Variants in AMZ1 observed in about 807,000 individuals in gnomAD.
AMZ1 encodes the protein archaemetzincin-1.
Under a neutral mutation model 29.9 loss-of-function variants are expected in AMZ1, and 39 were observed. That is an observed-to-expected ratio of 1.30 (90% confidence interval 1.01 to 1.70). The LOEUF (loss-of-function observed/expected upper bound fraction) is 1.70, where lower values mean the gene tolerates loss of function less well. AMZ1 is among the 40% of genes most tolerant of loss of function. The pLI, the probability that AMZ1 is intolerant of heterozygous loss-of-function variation, is 0.00. For synonymous variants in AMZ1, 458 were observed against 304.0 expected, an observed-to-expected ratio of 1.51 and a Z score of -5.27; for missense variants, 1,041 against 680.6, an observed-to-expected ratio of 1.53 and a Z score of -5.89.
At position 2,696,504 on chromosome 7, in the gene AMZ1, G is replaced by A. The variant is rs183781896; in HGVS notation, c.-218-3730G>A. 6.5e-3 allele frequency among the ~76,000 whole-genome samples: 981 copies of A among 150,378 alleles called. 53 individuals are homozygous for A. The East Asian group carries it at 0.14, about 22-fold the overall frequency. Reference sequence around the variant, plus strand: ...GATCTCCTGACCTCGTGATCTGCCCGCCTGGGCCTCCCAAAGTGCTGTGAT... The same window carrying A: ...GATCTCCTGACCTCGTGATCTGCCCACCTGGGCCTCCCAAAGTGCTGTGAT... On this transcript the variant is annotated intron_variant, in intron 1 of 6. Coordinates refer to ENST00000683327, the MANE Select transcript of AMZ1 (RefSeq NM_001384743.1).
upstream of AMZ1, among the ~76,000 whole-genome samples, chr7:2,687,360 A>T (rs1188308103): frequency 6.7e-6 from 1 of 149,930 alleles, no homozygotes; most frequent in East Asian, 1.9e-4. Flanking sequence ...CTGGTGTGGG[A>T]CGATGGTGAC....
At chr7:2,751,922 C>T (rs1056778821) in intron 4 of AMZ1, among the ~76,000 whole-genome samples, 23 of 152,070 alleles carry the variant, frequency 1.5e-4, no homozygotes, top group South Asian at 4.1e-4. Flanking sequence ...CTATCAAACA[C>T]GTAAAGAAGA....
chr7:2,708,987 T>C, intron 4 of AMZ1, 88 bp from the exon 5 acceptor site: 8 of 1,448,708 alleles, frequency 5.5e-6, no homozygotes, highest in Non-Finnish European at 7.4e-6. Flanking sequence ...ATGGCCAGCT[T>C]GCATGAGAGC....
In AMZ1 at chr7:2,742,616, A is replaced by G. The variant is rs370590442; in HGVS notation, n.551-22096A>G. 7.9e-5 allele frequency among the ~76,000 whole-genome samples: 12 copies of G among 152,172 alleles called. No homozygotes were observed. The South Asian group carries it at 1.2e-3, about 16-fold the overall frequency. On this transcript the variant is annotated intron_variant and non_coding_transcript_variant, in intron 4 of 4. Coordinates refer to the AMZ1 transcript ENST00000489665. The stretch of plus-strand genomic sequence containing the variant: ...TCTCGCCGGCCCTTTGCGTTTCCAT[A>G]TTAGTTCTAAAGTCAGCTGTCAATG...
intron 1 of AMZ1, among the ~76,000 whole-genome samples, chr7:2,691,643 A>C (rs1787391251): frequency 7.3e-6 from 1 of 136,146 alleles, no homozygotes. Flanking sequence ...CGGGAGGCTC[A>C]GGCAGTGAAC....
In AMZ1 at chr7:2,712,296, C is replaced by A. The variant is rs182429111; in HGVS notation, c.949-34C>A. Reference sequence around the variant, plus strand: ...TTCCCTGGCTAGACAAGGGCTGGCACGGAGCAAACTCAGCCTGTGTTTCTC... The same window carrying A: ...TTCCCTGGCTAGACAAGGGCTGGCAAGGAGCAAACTCAGCCTGTGTTTCTC... On this transcript the variant is annotated intron_variant, in intron 6 of 6. Transcript: ENST00000683327. 6.2e-4 allele frequency: 939 copies of A among 1,520,558 alleles called. 10 individuals carry two copies. The Admixed American group carries it at 0.018, about 30-fold the overall frequency. The allele number at this position is 1,520,558 out of a possible 1,614,324, so 94.2% of individuals were successfully genotyped here. A position where few individuals can be genotyped will look rare whatever the true frequency, so the allele number is the denominator to read the frequency against.
chr7:2,720,872 T>G (rs1353296135), downstream of AMZ1, among the ~76,000 whole-genome samples: 15 of 151,866 alleles, frequency 9.9e-5, no homozygotes, highest in Non-Finnish European at 1.5e-5. Flanking sequence ...GAGACAGGGT[T>G]TCAGCCACGT....
intron 3 of AMZ1, among the ~76,000 whole-genome samples, chr7:2,703,404 G>A (rs1349577401): frequency 2.6e-5 from 4 of 152,172 alleles, no homozygotes; most frequent in African/African-American, 9.7e-5. Flanking sequence ...GCCTCCCAAA[G>A]TGCTGGGATG....
chr7:2,702,795 C>T lies in AMZ1; in HGVS notation c.378C>T (p.Gly126=), dbSNP rs1444325362. The change falls in exon 3 of 7, where the codon GGC becomes GGT. Residue 126 remains glycine (G), a synonymous_variant. Coordinates refer to ENST00000683327, the MANE Select transcript of AMZ1 (RefSeq NM_001384743.1). ...GCTGCACAGAGGCCTTCTTCCTGGGCCTGCGCGTCAAGTGCCTGCCGTCGG... is the reference window on the plus strand; with the variant it reads ...GCTGCACAGAGGCCTTCTTCCTGGGTCTGCGCGTCAAGTGCCTGCCGTCGG... ...LCSCTEAFFL[G]LRVKCLPSVA... The T allele has an allele frequency of 3.9e-6, 6 of 1,545,900 alleles. No homozygotes were observed. The highest frequency in any genetic ancestry group is 5.2e-6 in the Non-Finnish European group (6 of 1,148,648).
At chr7:2,682,481 G>A (rs978461406) in intron 1 of AMZ1, among the ~76,000 whole-genome samples, 7 of 152,076 alleles carry the variant, frequency 4.6e-5, no homozygotes, top group Admixed American at 6.5e-5. Context: ...CTGGGGAAAC[G>A]GAGGCACGGG....
At chr7:2,695,328 G>A (rs1018185404) in intron 1 of AMZ1, among the ~76,000 whole-genome samples, 3 of 152,098 alleles carry the variant, frequency 2.0e-5, no homozygotes, top group Non-Finnish European at 2.9e-5. Context: ...GTGGGCATGC[G>A]GGTCTGGGCA....
intron 4 of AMZ1, among the ~76,000 whole-genome samples, chr7:2,750,513 A>C (rs1343855598): frequency 6.6e-6 from 1 of 152,230 alleles, no homozygotes; most frequent in Non-Finnish European, 1.5e-5. Flanking sequence ...CCTATGGTCA[A>C]GTTTAATTGA....
intron 4 of AMZ1, among the ~76,000 whole-genome samples, chr7:2,735,319 G>A (rs1320304340): frequency 1.3e-5 from 2 of 152,220 alleles, no homozygotes; most frequent in East Asian, 3.9e-4. Context: ...CCCGTTTCTA[G>A]GCAGGTGGTG....
chr7:2,696,932 A>G (rs915438110), intron 1 of AMZ1, among the ~76,000 whole-genome samples: 1 of 152,126 alleles, frequency 6.6e-6, no homozygotes, highest in Non-Finnish European at 1.5e-5. Flanking sequence ...TGGGATTGTA[A>G]ACTGGTGTGA....
rs560341371 is a variant in AMZ1, at chr7:2,716,815, C to T, written c.*3937C>T. Among the ~76,000 whole-genome samples, 2 of 152,324 alleles carry T rather than the reference C, an allele frequency of 1.3e-5. No homozygotes were observed. The highest frequency in any genetic ancestry group is 2.4e-5 in the African/African-American group (1 of 41,564). ...ATTTTTTTACATCATCATCGAGTCT[C>T]GAAATGACCTGTAAGGCAGATGGCT... On this transcript the variant is annotated 3_prime_UTR_variant, in exon 7 of 7. Transcript: ENST00000683327.
upstream of AMZ1, among the ~76,000 whole-genome samples, chr7:2,685,433 C>T (rs982664352): frequency 6.6e-6 from 1 of 151,782 alleles, no homozygotes; most frequent in African/African-American, 2.4e-5. Context: ...TGACGGGCAC[C>T]TGTAATCGCA....
chr7:2,763,039 G>A (rs565030742), upstream of AMZ1: 3 of 1,250,208 alleles, frequency 2.4e-6, no homozygotes, highest in Admixed American at 1.3e-4. Context: ...AGGACTCAGC[G>A]TGCCGTTCCT....
At chr7:2,724,512 G>A (rs984791882), downstream of AMZ1, among the ~76,000 whole-genome samples, 9 of 152,182 alleles carry the variant, frequency 5.9e-5, no homozygotes, top group Non-Finnish European at 8.8e-5. Flanking sequence ...CCCTTCCACC[G>A]ACCATGGCCC....
At chr7:2,763,012 C>T (rs142676487), upstream of AMZ1, 761 of 1,278,458 alleles carry the variant, frequency 6.0e-4, 4 homozygotes, top group African/African-American at 0.011. Flanking sequence ...GCCAACAGCC[C>T]CGCCGGCCAC....
Sources: allele counts gnomAD v4.1 joint callset (sites outside exome capture counted in the v4.1 genomes callset), GRCh38; gene constraint gnomAD v4.1.1; transcripts MANE v1.5; gene names NCBI Gene and HGNC (gene_info 2026-07-23, HGNC 2026-07-21).